RARRES2: variants seen among roughly 807,000 people sequenced by gnomAD.
The protein encoded by RARRES2 is retinoic acid receptor responder protein 2.
Under a neutral mutation model 17.9 loss-of-function variants are expected in RARRES2, and 12 were observed. That is an observed-to-expected ratio of 0.67 (90% confidence interval 0.43 to 1.08). The LOEUF (loss-of-function observed/expected upper bound fraction) is 1.08, where lower values mean the gene tolerates loss of function less well. Among genes scored for constraint, RARRES2 ranks in the 50% least tolerant of loss-of-function variants. RARRES2 has a pLI of 0.00. For synonymous variants in RARRES2, 82 were observed against 86.8 expected (o/e 0.94, Z 0.31); for missense variants, 220 against 210.1 (o/e 1.05, Z -0.29).
rs1440881256 is a variant in RARRES2, at chr7:150,338,385, G to T, written c.*65C>A. 6.7e-6 allele frequency: 10 copies of T among 1,494,304 alleles called. No individual in the cohort carries two copies. The highest frequency in any genetic ancestry group is 8.9e-6 in the Non-Finnish European group (10 of 1,120,728). The allele number at this position is 1,494,304 out of a possible 1,614,324, so 92.6% of individuals were successfully genotyped here. On this transcript the variant is annotated 3_prime_UTR_variant, in exon 6 of 6. Transcript: ENST00000223271. ...ATAGAACGGGTTCCTCTCCCTGGGG[G>T]CTGGGGTCTTCCACTGGTTACCACC...
At chr7:150,341,553 G>GC (rs1214551945) in intron 1 of RARRES2, 25 bp downstream of exon 1, 1 of 152,640 alleles carries the variant, frequency 6.6e-6, no homozygotes, top group Non-Finnish European at 1.5e-5. Flanking sequence ...CCCGGCTGCC[G>GC]CCCCAGCCCG....
At chr7:150,339,418 G>A (rs2129618577) in intron 3 of RARRES2, among the ~76,000 whole-genome samples, 1 of 152,300 alleles carries the variant, frequency 6.6e-6, no homozygotes, top group Middle Eastern at 3.4e-3. Context: ...ATGCATGGAT[G>A]TGTCTGCTTG....
chr7:150,338,708 T>C lies in RARRES2; in HGVS notation c.409A>G (p.Arg137Gly). 1 of 1,555,718 alleles carries C rather than the reference T, an allele frequency of 6.4e-7. No homozygotes were observed. Among genetic ancestry groups the C allele is most frequent in the Admixed American group, 1.9e-5 (1 of 51,496 alleles). The change falls in exon 5 of 6, where the codon AGG (arginine) becomes GGG (glycine). Residue 137 changes from arginine (R) to glycine (G), a missense_variant. Coordinates refer to ENST00000223271, the MANE Select transcript of RARRES2 (RefSeq NM_002889.4). ...GGGTCCTCACCAGCCCGCTGCACCC[T>C]GAGGCACTGGGTCTCCTGGTGCTCC... ...AEEHQETQCL[R>G]VQRAGEDPHS...
In RARRES2 at chr7:150,340,118, G is replaced by T. The variant is rs1464386561; in HGVS notation, c.261C>A (p.Cys87Ter). Residue 87 changes from cysteine (C) to a stop codon, truncating the protein, a stop_gained, in exon 3 of 6, where the codon TGC (cysteine) becomes TGA (stop). Transcript: ENST00000223271. LOFTEE classifies it high-confidence loss of function. ...CRKRDWKKPE[C>*]KVRPNGRKRK... Reference sequence around the variant, plus strand: ...CACTCACCCCATTGGGCCTGACTTTGCACTCGGGTTTCTTCCAGTCCCTCT... The same window carrying T: ...CACTCACCCCATTGGGCCTGACTTTTCACTCGGGTTTCTTCCAGTCCCTCT... 6.2e-7 allele frequency: 1 copy of T among 1,614,038 alleles called. No individual in the cohort carries two copies. Among genetic ancestry groups the T allele is most frequent in the East Asian group, 2.2e-5 (1 of 44,878 alleles).
intron 3 of RARRES2, 137 bp downstream of exon 3, chr7:150,339,963 G>T: frequency 1.3e-6 from 1 of 785,240 alleles, no homozygotes; most frequent in South Asian, 1.6e-5. Flanking sequence ...TTCGCAGTGG[G>T]GTCTCTAACC....
At chr7:150,340,306 A>C in intron 2 of RARRES2, 102 bp from the exon 3 acceptor site, 1 of 1,535,430 alleles carries the variant, frequency 6.5e-7, no homozygotes, top group Non-Finnish European at 8.9e-7. Flanking sequence ...ACATTCCAGC[A>C]GGCTGGACAG....
At position 150,340,477 on chromosome 7, in the gene RARRES2, A is replaced by T. The variant is rs186517902; in HGVS notation, c.133T>A (p.Trp45Arg). ...EEFHKHPPVQ[W>R]AFQETSVESA... ...TCCACACTGGTCTCCTGGAAGGCCC[A>T]CTGCACGGGCGGGTGCTTGTGAAAT... The change falls in exon 2 of 6, where the codon TGG (tryptophan) becomes AGG (arginine). Residue 45 changes from tryptophan to arginine, a missense_variant. Trp to Arg is a moderately radical substitution (Grantham distance 101, BLOSUM62 -3). Coordinates refer to ENST00000223271, the MANE Select transcript of RARRES2 (RefSeq NM_002889.4). 7.7e-5 allele frequency: 124 copies of T among 1,610,132 alleles called. No homozygotes were observed. The East Asian group carries it at 2.3e-3, about 30-fold the overall frequency.
Position 150,340,220 on chromosome 7 carries a change from C to G in RARRES2, c.175-16G>C, listed in dbSNP as rs773315408. Reference sequence around the variant, plus strand: ...CTGGGAAGGGCTGCGGACAGACAGGCAGGCAGAGGATGGCCGGTAGCCAGC... The same window carrying G: ...CTGGGAAGGGCTGCGGACAGACAGGGAGGCAGAGGATGGCCGGTAGCCAGC... On this transcript the variant is annotated splice_polypyrimidine_tract_variant and intron_variant, in intron 2 of 5. Coordinates refer to ENST00000223271, the MANE Select transcript of RARRES2 (RefSeq NM_002889.4). The G allele has an allele frequency of 6.2e-7, 1 of 1,612,970 alleles. No individual in the cohort carries two copies. Among genetic ancestry groups the G allele is most frequent in the Non-Finnish European group, 8.5e-7 (1 of 1,179,252 alleles).
rs955478399 is a variant in RARRES2, at chr7:150,340,224, C to T, written c.175-20G>A. On this transcript the variant is annotated intron_variant, in intron 2 of 5. Coordinates refer to ENST00000223271, the MANE Select transcript of RARRES2 (RefSeq NM_002889.4). ...GAAGGGCTGCGGACAGACAGGCAGG[C>T]AGAGGATGGCCGGTAGCCAGCTGAG... 1.2e-6 allele frequency: 2 copies of T among 1,612,180 alleles called. No individual in the cohort carries two copies. The highest frequency in any genetic ancestry group is 1.3e-5 in the African/African-American group (1 of 74,916).
chr7:150,338,634 G>T lies in RARRES2; in HGVS notation c.483C>A (p.Pro161=). The change falls in exon 5 of 6, where the codon CCC becomes CCA. Residue 161 remains proline, a synonymous_variant. Transcript: ENST00000223271. The part of the protein sequence containing the change: ...PGQFAFSKAL[P]RS ...GCCTACCAGTGCTGGCTTAGCTGCG[G>T]GGCAGGGCCTTGGAGAAGGCGAACT... 6.4e-7 allele frequency: 1 copy of T among 1,554,756 alleles called. No homozygotes were observed. The highest frequency in any genetic ancestry group is 1.2e-5 in the South Asian group (1 of 84,238).
intron 4 of RARRES2, 54 bp from the exon 5 acceptor site, chr7:150,338,795 G>T: frequency 6.4e-7 from 1 of 1,566,392 alleles, no homozygotes. Context: ...CAGTGCCAGT[G>T]GAGGGCTGCC....
intron 3 of RARRES2, 65 bp downstream of exon 3, chr7:150,340,035 C>G: frequency 6.9e-7 from 1 of 1,457,746 alleles, no homozygotes; most frequent in Non-Finnish European, 9.6e-7. Context: ...GCCCCACACC[C>G]CAAACCCCAA....
In RARRES2 at chr7:150,340,180, T is replaced by G; in HGVS notation, c.199A>C (p.Arg67=). The change falls in exon 3 of 6, where the codon AGG becomes CGG. Residue 67 remains arginine, a synonymous_variant. Transcript: ENST00000223271. ...DTPFPAGIFV[R]LEFKLQQTSC... is the part of the protein sequence containing the mutation. Reference sequence around the variant, plus strand: ...GTCTGCTGCAGCTTAAATTCCAGCCTCACAAATATTCCAGCTGGGAAGGGC... The same window carrying G: ...GTCTGCTGCAGCTTAAATTCCAGCCGCACAAATATTCCAGCTGGGAAGGGC... 6.2e-7 allele frequency: 1 copy of G among 1,614,098 alleles called. No homozygotes were observed. Among genetic ancestry groups the G allele is most frequent in the Non-Finnish European group, 8.5e-7 (1 of 1,180,014 alleles).
Position 150,340,193 on chromosome 7 carries a change from A to G in RARRES2, c.186T>C (p.Ala62=). ...VESAVDTPFP[A]GIFVRLEFKL... is the part of the protein sequence containing the mutation. ...TAAATTCCAGCCTCACAAATATTCC[A>G]GCTGGGAAGGGCTGCGGACAGACAG... Residue 62 remains alanine, a synonymous_variant, in exon 3 of 6, where the codon GCT becomes GCC. Transcript: ENST00000223271. 1 of 1,614,086 alleles carries G rather than the reference A, an allele frequency of 6.2e-7. No individual in the cohort carries two copies. Among genetic ancestry groups the G allele is most frequent in the Non-Finnish European group, 8.5e-7 (1 of 1,180,002 alleles).
Position 150,338,446 on chromosome 7 carries a change from A to T in RARRES2, c.*11-7T>A. On this transcript the variant is annotated splice_polypyrimidine_tract_variant and splice_region_variant and intron_variant, in intron 5 of 5. Transcript: ENST00000223271. ...CTGGAGGCACCACGCATCTCTAGACAAAAGGGGAAACAGGTTTGGGGGTGA... is the reference window on the plus strand; with the variant it reads ...CTGGAGGCACCACGCATCTCTAGACTAAAGGGGAAACAGGTTTGGGGGTGA... 6.5e-7 allele frequency: 1 copy of T among 1,529,090 alleles called. No individual in the cohort carries two copies. Among genetic ancestry groups the T allele is most frequent in the South Asian group, 1.2e-5 (1 of 82,996 alleles). 94.7% of individuals were successfully genotyped at this position (1,529,090 alleles called of 1,614,324 possible). A position where few individuals can be genotyped will look rare whatever the true frequency, so the allele number is the denominator to read the frequency against.
chr7:150,339,826 G>T (rs1004670384), intron 3 of RARRES2, among the ~76,000 whole-genome samples: 5 of 152,106 alleles, frequency 3.3e-5, no homozygotes, highest in Admixed American at 2.0e-4. Flanking sequence ...ACCGAGGTGA[G>T]CCCTGCTCTG....
chr7:150,339,260 C>T (rs901404359), intron 3 of RARRES2, among the ~76,000 whole-genome samples, 179 bp from the exon 4 acceptor site: 4 of 152,164 alleles, frequency 2.6e-5, no homozygotes, highest in Non-Finnish European at 4.4e-5. Context: ...CCTAGAATGT[C>T]AGAAGTCAGA....
chr7:150,340,038 A>C, intron 3 of RARRES2, 62 bp downstream of exon 3: 1 of 1,471,300 alleles, frequency 6.8e-7, no homozygotes. Flanking sequence ...CCACACCCCA[A>C]ACCCCAAGTC....
intron 1 of RARRES2, chr7:150,340,837 G>A: frequency 2.0e-6 from 1 of 496,168 alleles, no homozygotes; most frequent in South Asian, 3.3e-5. Context: ...CCCTGCCCGC[G>A]CTGTTCCCTG....
Sources: allele counts gnomAD v4.1 joint callset (sites outside exome capture counted in the v4.1 genomes callset), GRCh38; gene constraint gnomAD v4.1.1; transcripts MANE v1.5; gene names NCBI Gene and HGNC (gene_info 2026-07-23, HGNC 2026-07-21).